Variants in SPATA22 observed in about 807,000 individuals in gnomAD.
SPATA22 encodes spermatogenesis-associated protein 22.
SPATA22 carries 29 observed loss-of-function variants against 47.8 expected under a neutral mutation model. The ratio of observed to expected loss-of-function variants is 0.61; its 90% confidence interval spans 0.45 to 0.83. The LOEUF is 0.83. SPATA22 is among the 40% of genes least tolerant of loss of function. The probability of loss-of-function intolerance (pLI) is 0.00; values close to 1 mark genes in which losing one functional copy is unlikely to be tolerated. For synonymous variants in SPATA22, 133 were observed against 140.9 expected (o/e 0.94, Z 0.40); for missense variants, 410 against 421.7 (o/e 0.97, Z 0.24).
chr17:3,464,269 G>C (rs375097004), intron 3 of SPATA22, among the ~76,000 whole-genome samples: 1 of 151,630 alleles, frequency 6.6e-6, no homozygotes, highest in African/African-American at 2.4e-5. Flanking sequence ...GACGGTGTCT[G>C]GTTCACTCAG....
chr17:3,459,855 C>A (rs1435584218), intron 5 of SPATA22, among the ~76,000 whole-genome samples: 1 of 152,160 alleles, frequency 6.6e-6, no homozygotes, highest in Non-Finnish European at 1.5e-5. Flanking sequence ...CCATCCTGAG[C>A]AAGTTGAAGG....
chr17:3,482,486 TGA>T (rs1215669575), intron 1 of SPATA22, among the ~76,000 whole-genome samples: 1 of 152,186 alleles, frequency 6.6e-6, no homozygotes, highest in African/African-American at 2.4e-5. Flanking sequence ...CAAGGATGAT[TGA>T]GAGGAAAGAG....
chr17:3,444,814 T>C (rs1050933778), intron 7 of SPATA22, among the ~76,000 whole-genome samples: 10 of 152,114 alleles, frequency 6.6e-5, no homozygotes, highest in African/African-American at 2.4e-4. Context: ...TGCAGTGTGC[T>C]AGACACTAAA....
intron 1 of SPATA22, among the ~76,000 whole-genome samples, chr17:3,494,748 A>T (rs1177100693): frequency 2.0e-5 from 3 of 152,224 alleles, no homozygotes; most frequent in African/African-American, 7.2e-5. Context: ...CAGCCAGATG[A>T]GATGACAGAA....
Position 3,446,980 on chromosome 17 carries a change from G to A in SPATA22, c.673-379C>T, listed in dbSNP as rs183141260. Reference sequence around the variant, plus strand: ...GCCAGACACATTCATTCATTCATTCGTTTCAAAAGTGTTTACTGAGCACCT... The same window carrying A: ...GCCAGACACATTCATTCATTCATTCATTTCAAAAGTGTTTACTGAGCACCT... On this transcript the variant is annotated intron_variant, in intron 6 of 8. Coordinates refer to ENST00000572969, the MANE Select transcript of SPATA22 (RefSeq NM_001170698.2). Among the ~76,000 whole-genome samples, 40 of 152,152 alleles carry A rather than the reference G, an allele frequency of 2.6e-4. No individual in the cohort carries two copies. In the East Asian group the frequency reaches 6.4e-3, roughly 24 times the overall value.
chr17:3,511,201 C>G (rs2074108470), intron 1 of SPATA22: 1 of 152,026 alleles, frequency 6.6e-6, no homozygotes, highest in Admixed American at 6.6e-5. Flanking sequence ...TTTTGTGCAC[C>G]CCTGTGGGCA....
At position 3,490,927 on chromosome 17, in the gene SPATA22, C is replaced by T. The variant is rs1358688100; in HGVS notation, c.-73-21529G>A. Among the ~76,000 whole-genome samples, 2 of 152,090 alleles carry T rather than the reference C, an allele frequency of 1.3e-5. No homozygotes were observed. Among genetic ancestry groups the T allele is most frequent in the African/African-American group, 2.4e-5 (1 of 41,404 alleles). Reference sequence around the variant, plus strand: ...TAACATTTCATTTAAGCAAAGGATTCGGCAAATCAAAAATTGTCAACCACG... The same window carrying T: ...TAACATTTCATTTAAGCAAAGGATTTGGCAAATCAAAAATTGTCAACCACG... On this transcript the variant is annotated intron_variant, in intron 1 of 8. Coordinates refer to the SPATA22 transcript ENST00000541913. This position sits in a 1 kb window ranked among gnomAD's most constrained non-coding sequence, Gnocchi z 4.6.
chr17:3,478,531 A>G (rs2073571381), intron 1 of SPATA22, among the ~76,000 whole-genome samples: 1 of 152,184 alleles, frequency 6.6e-6, no homozygotes, highest in South Asian at 2.1e-4. Flanking sequence ...CTATATTACA[A>G]GTAAGAATTT....
In SPATA22 at chr17:3,490,616, T is replaced by G. The variant is rs2073808794; in HGVS notation, c.-73-21218A>C. Among the ~76,000 whole-genome samples the G allele has an allele frequency of 1.3e-5, 2 of 152,152 alleles. No homozygotes were observed. The highest frequency in any genetic ancestry group is 4.8e-5 in the African/African-American group (2 of 41,424). On this transcript the variant is annotated intron_variant, in intron 1 of 8. Transcript: ENST00000541913. This position sits in a 1 kb window ranked among gnomAD's most constrained non-coding sequence, Gnocchi z 4.6. ...CTCCAAAATCATGAAAACTGAAAAT[T>G]TGCTTTTTACCATCTTTGTCTGAGG...
chr17:3,513,329 A>C (rs370728298), intron 1 of SPATA22: 4 of 152,818 alleles, frequency 2.6e-5, no homozygotes, highest in African/African-American at 7.2e-5. Context: ...GTTCACTCCA[A>C]GGATGGTCTC....
At chr17:3,458,807 C>G (rs750195003) in intron 5 of SPATA22, among the ~76,000 whole-genome samples, 13 of 127,758 alleles carry the variant, frequency 1.0e-4, no homozygotes, top group Non-Finnish European at 1.9e-4. Flanking sequence ...CACCATTGCA[C>G]TCACATTGTC....
intron 5 of SPATA22, among the ~76,000 whole-genome samples, chr17:3,452,420 C>T (rs1340213974): frequency 6.6e-6 from 1 of 151,790 alleles, no homozygotes; most frequent in African/African-American, 2.4e-5. Context: ...GATGAAACCC[C>T]GTCTCTACTA....
chr17:3,467,671 C>A (rs374091783), intron 2 of SPATA22, 117 bp from the exon 3 acceptor site: 5 of 689,768 alleles, frequency 7.2e-6, no homozygotes, highest in Non-Finnish European at 8.5e-6. Context: ...TGCTAATATA[C>A]TTATAGATTT....
chr17:3,496,401 C>T (rs11868193), intron 1 of SPATA22, among the ~76,000 whole-genome samples: 30,412 of 152,102 alleles, frequency 0.2, 3,547 homozygotes, highest in Middle Eastern at 0.34. Flanking sequence ...TCCAATTAGA[C>T]GGAGTGGTCA....
chr17:3,476,566 A>G (rs903479353), upstream of SPATA22, among the ~76,000 whole-genome samples: 3 of 152,378 alleles, frequency 2.0e-5, no homozygotes, highest in Non-Finnish European at 4.4e-5. Context: ...GAATTGCACA[A>G]TTATCTAAAC....
At chr17:3,463,068 C>T (rs965023604) in intron 3 of SPATA22, among the ~76,000 whole-genome samples, 1 of 152,176 alleles carries the variant, frequency 6.6e-6, no homozygotes, top group African/African-American at 2.4e-5. Context: ...CCAATGTTTA[C>T]TGAACTTTTA....
Position 3,483,579 on chromosome 17 carries a change from C to T in SPATA22, c.-73-14181G>A, listed in dbSNP as rs1193959233. The T allele has an allele frequency of 2.5e-6, 4 of 1,612,990 alleles. No homozygotes were observed. The Admixed American group carries it at 5.0e-5, about 20-fold the overall frequency. On this transcript the variant is annotated intron_variant, in intron 1 of 8. Transcript: ENST00000541913. ...AATATGCGACCACTCGTTCCATAGCCAAGTATCCTGTGGGTAAGTCATAGT... is the reference window on the plus strand; with the variant it reads ...AATATGCGACCACTCGTTCCATAGCTAAGTATCCTGTGGGTAAGTCATAGT...
intron 1 of SPATA22, chr17:3,499,259 A>G (rs1050505982): frequency 1.8e-6 from 1 of 564,102 alleles, no homozygotes; most frequent in Non-Finnish European, 3.0e-6. Flanking sequence ...ATCTTTAAAG[A>G]TATCATATTT....
chr17:3,464,429 G>C (rs1217997490), intron 3 of SPATA22, among the ~76,000 whole-genome samples: 2 of 149,196 alleles, frequency 1.3e-5, no homozygotes, highest in Non-Finnish European at 1.5e-5. Context: ...GAGCGTCTCT[G>C]CCTGGCCGCC....
Sources: gnomAD v4.1 joint callset for allele counts (sites outside exome capture counted in the v4.1 genomes callset) on GRCh38, gnomAD v4.1.1 for gene constraint, Gnocchi (gnomAD v3.1) non-coding constraint, MANE v1.5 for transcripts, NCBI Gene and HGNC (gene_info 2026-07-23, HGNC 2026-07-21) for gene names.